CSMD1: variants seen among roughly 807,000 people sequenced by gnomAD.
CSMD1 encodes the protein CUB and sushi domain-containing protein 1.
CSMD1 carries 213 observed loss-of-function variants against 417.5 expected under a neutral mutation model. The observed-to-expected ratio is 0.51, with a 90% CI of 0.46 to 0.57. The LOEUF (loss-of-function observed/expected upper bound fraction) is 0.57, where lower values mean the gene tolerates loss of function less well. CSMD1 is among the 20% of genes least tolerant of loss of function. The probability of loss-of-function intolerance (pLI) is 0.00; values close to 1 mark genes in which losing one functional copy is unlikely to be tolerated. For missense variants in CSMD1, 6,923 were observed against 4,529.7 expected (o/e 1.53, Z -15.17); for synonymous variants, 2,862 against 1,736.8 (o/e 1.65, Z -16.11).
At chr8:4,530,914 C>A (rs1210604883) in intron 2 of CSMD1, among the ~76,000 whole-genome samples, 1 of 151,902 alleles carries the variant, frequency 6.6e-6, no homozygotes, top group Non-Finnish European at 1.5e-5. Flanking sequence ...TACAGCTGAG[C>A]TTCGTTAAGT....
intron 65 of CSMD1, 59 bp downstream of exon 65, chr8:2,954,165 A>G: frequency 2.2e-6 from 2 of 912,650 alleles, no homozygotes; most frequent in Non-Finnish European, 3.3e-6. Context: ...TTCACTGTGC[A>G]GAGTAGAGAA....
chr8:3,219,499 G>A (rs1161007618), intron 28 of CSMD1, 57 bp from the exon 29 acceptor site: 18 of 1,240,768 alleles, frequency 1.5e-5, no homozygotes, highest in African/African-American at 1.2e-4. Flanking sequence ...ATCTCCCAGA[G>A]TGGTAAGCCT....
chr8:4,117,603 G>C (rs922188313), intron 3 of CSMD1, among the ~76,000 whole-genome samples: 2 of 152,154 alleles, frequency 1.3e-5, no homozygotes, highest in African/African-American at 2.4e-5. Context: ...TTTTACAAAG[G>C]ACTTCCAGTT....
At chr8:4,100,149 T>A (rs1049393543) in intron 3 of CSMD1, among the ~76,000 whole-genome samples, 4 of 152,192 alleles carry the variant, frequency 2.6e-5, no homozygotes, top group South Asian at 2.1e-4. Context: ...TACCTTGGTT[T>A]TTATGTGAGT....
intron 36 of CSMD1, 76 bp from the exon 37 acceptor site, chr8:3,181,290 A>T (rs1821307704): frequency 1.0e-6 from 1 of 981,064 alleles, no homozygotes. Flanking sequence ...ATATGAGAAT[A>T]CTTATTAGGC....
At chr8:3,650,913 T>C (rs1422603270) in intron 7 of CSMD1, among the ~76,000 whole-genome samples, 3 of 152,214 alleles carry the variant, frequency 2.0e-5, no homozygotes, top group Non-Finnish European at 4.4e-5. Flanking sequence ...CTCAGACTTC[T>C]GGTCTCTCCG....
intron 2 of CSMD1, among the ~76,000 whole-genome samples, chr8:4,518,278 C>CCAG (rs747669367): frequency 3.3e-5 from 5 of 151,804 alleles, no homozygotes; most frequent in South Asian, 2.1e-4. Context: ...CATCCGACGC[C>CCAG]CAGCAGCAGC....
chr8:2,954,821 A>G (rs1401084889), intron 64 of CSMD1, among the ~76,000 whole-genome samples: 2 of 152,200 alleles, frequency 1.3e-5, no homozygotes, highest in African/African-American at 4.8e-5. Context: ...TCATTCTTCT[A>G]TTTCTAACAG....
chr8:4,373,490 A>C (rs756358156), intron 3 of CSMD1, among the ~76,000 whole-genome samples: 3 of 152,234 alleles, frequency 2.0e-5, no homozygotes, highest in Non-Finnish European at 2.9e-5. Flanking sequence ...ACTGTCCTAA[A>C]AAAGTTTATT....
chr8:4,224,566 G>T (rs901652083), intron 3 of CSMD1, among the ~76,000 whole-genome samples: 3 of 152,170 alleles, frequency 2.0e-5, no homozygotes, highest in African/African-American at 7.2e-5. Flanking sequence ...AAGTCCCACG[G>T]TGCTTCAGTG....
intron 2 of CSMD1, among the ~76,000 whole-genome samples, chr8:4,537,523 T>C (rs1357953516): frequency 3.3e-5 from 5 of 152,244 alleles, no homozygotes; most frequent in Non-Finnish European, 7.3e-5. Flanking sequence ...TACAGACTAG[T>C]TTTAATTGAC....
chr8:4,919,579 C>A (rs969568735), intron 1 of CSMD1, among the ~76,000 whole-genome samples: 1 of 152,104 alleles, frequency 6.6e-6, no homozygotes, highest in African/African-American at 2.4e-5. Flanking sequence ...TGATTCAATA[C>A]CCAGTACTCA....
At chr8:4,089,594 G>T (rs1303687255) in intron 3 of CSMD1, among the ~76,000 whole-genome samples, 2 of 152,140 alleles carry the variant, frequency 1.3e-5, no homozygotes, top group African/African-American at 4.8e-5. Flanking sequence ...TTCTCTCAAA[G>T]GTTAAATGGG....
chr8:3,373,366 T>G (rs903182498), intron 18 of CSMD1: 4 of 152,164 alleles, frequency 2.6e-5, no homozygotes, highest in African/African-American at 9.7e-5. Context: ...AGACAGAAAG[T>G]TAGAGATAAA....
At chr8:4,372,091 T>G (rs562717451) in intron 3 of CSMD1, among the ~76,000 whole-genome samples, 2 of 152,234 alleles carry the variant, frequency 1.3e-5, no homozygotes, top group Non-Finnish European at 2.9e-5. Flanking sequence ...AGAAAAGCCC[T>G]TTCTATCTCA....
chr8:4,719,072 G>T (rs946550533), intron 1 of CSMD1, among the ~76,000 whole-genome samples: 5 of 152,072 alleles, frequency 3.3e-5, no homozygotes, highest in African/African-American at 9.7e-5. Flanking sequence ...GAGAGAGCTA[G>T]AATTTTGTTT....
At chr8:4,576,372 G>C (rs1170858838) in intron 2 of CSMD1, among the ~76,000 whole-genome samples, 3 of 152,296 alleles carry the variant, frequency 2.0e-5, no homozygotes, top group Middle Eastern at 3.4e-3. Flanking sequence ...AGAGGCATTT[G>C]GCCAAGACCT....
intron 5 of CSMD1, among the ~76,000 whole-genome samples, chr8:3,894,288 C>T (rs550146456): frequency 2.3e-4 from 35 of 152,162 alleles, no homozygotes; most frequent in Admixed American, 4.6e-4. Context: ...TCCTGTGCAC[C>T]TGTCTCGCTC....
At chr8:4,117,050 G>C (rs764696842) in intron 3 of CSMD1, among the ~76,000 whole-genome samples, 1 of 151,872 alleles carries the variant, frequency 6.6e-6, no homozygotes, top group African/African-American at 2.4e-5. Context: ...GAAACTGTCA[G>C]TAGTTAACCA....
Sources: allele counts gnomAD v4.1 joint callset (sites outside exome capture counted in the v4.1 genomes callset), GRCh38; gene constraint gnomAD v4.1.1; transcripts MANE v1.5; gene names NCBI Gene and HGNC (gene_info 2026-07-23, HGNC 2026-07-21).